GRIN2A: variants seen among roughly 807,000 people sequenced by gnomAD.
GRIN2A encodes glutamate receptor ionotropic, NMDA 2A.
In GRIN2A, 22 loss-of-function variants were observed where a neutral mutation model predicts 113.4. The ratio of observed to expected loss-of-function variants is 0.19; its 90% confidence interval spans 0.14 to 0.28. The LOEUF is 0.28. Among genes scored for constraint, GRIN2A ranks in the 10% least tolerant of loss-of-function variants. The pLI is 1.00. For missense variants in GRIN2A, 1,502 were observed against 1,887.0 expected (o/e 0.80, Z 3.78); for synonymous variants, 827 against 738.4 (o/e 1.12, Z -1.94).
intron 4 of GRIN2A, among the ~76,000 whole-genome samples, chr16:9,866,004 T>C (rs1249377007): frequency 1.3e-5 from 2 of 152,194 alleles, no homozygotes; most frequent in Admixed American, 6.5e-5. Context: ...CAGAGTTGAG[T>C]GCTTGCCATA....
chr16:10,073,207 T>G (rs2047795441), intron 2 of GRIN2A, among the ~76,000 whole-genome samples: 1 of 152,122 alleles, frequency 6.6e-6, no homozygotes, highest in South Asian at 2.1e-4. Context: ...TCACTTGCCT[T>G]GGCCTACCAA....
chr16:9,780,723 A>G (rs896466233), intron 11 of GRIN2A, among the ~76,000 whole-genome samples: 2 of 152,246 alleles, frequency 1.3e-5, no homozygotes, highest in Non-Finnish European at 2.9e-5. Flanking sequence ...TAACAAATAG[A>G]AAAAAACAGT....
intron 4 of GRIN2A, among the ~76,000 whole-genome samples, chr16:9,885,627 C>T (rs1196573092): frequency 1.3e-5 from 2 of 152,204 alleles, no homozygotes; most frequent in South Asian, 2.1e-4. Flanking sequence ...TGGCTGACCT[C>T]GGAGATGAAA....
chr16:10,129,777 T>G (rs899515959), intron 2 of GRIN2A, among the ~76,000 whole-genome samples: 1 of 152,360 alleles, frequency 6.6e-6, no homozygotes, highest in East Asian at 1.9e-4. Flanking sequence ...AAGATGCATG[T>G]GATTCAAGAT....
intron 11 of GRIN2A, among the ~76,000 whole-genome samples, chr16:9,790,918 C>G (rs1364463843): frequency 6.6e-6 from 1 of 152,146 alleles, no homozygotes; most frequent in African/African-American, 2.4e-5. Flanking sequence ...CGTATGCCCT[C>G]GAGGAATCTA....
intron 11 of GRIN2A, among the ~76,000 whole-genome samples, chr16:9,780,468 A>C (rs2141180839): frequency 6.6e-6 from 1 of 152,376 alleles, no homozygotes; most frequent in East Asian, 1.9e-4. Flanking sequence ...CAATGAATAC[A>C]TGTTGTATGA....
At chr16:10,016,803 C>A (rs2046619682) in intron 2 of GRIN2A, among the ~76,000 whole-genome samples, 1 of 152,208 alleles carries the variant, frequency 6.6e-6, no homozygotes, top group Admixed American at 6.5e-5. Flanking sequence ...CATCCCACTA[C>A]CCCTCATACT....
At chr16:10,073,349 G>T (rs1183333608) in intron 2 of GRIN2A, among the ~76,000 whole-genome samples, 1 of 152,160 alleles carries the variant, frequency 6.6e-6, no homozygotes, top group African/African-American at 2.4e-5. Flanking sequence ...ATCATTTATA[G>T]ACTGCAGTCT....
At chr16:10,130,338 C>T (rs185994008) in intron 2 of GRIN2A, among the ~76,000 whole-genome samples, 3 of 152,310 alleles carry the variant, frequency 2.0e-5, no homozygotes, top group Admixed American at 2.0e-4. Flanking sequence ...GATCTATTTT[C>T]AGCATCCACT....
chr16:10,105,902 A>C (rs2048491768), intron 2 of GRIN2A, among the ~76,000 whole-genome samples: 1 of 152,252 alleles, frequency 6.6e-6, no homozygotes, highest in African/African-American at 2.4e-5. Context: ...GCAAGACTCT[A>C]TCTCCAAAAA....
chr16:9,972,941 G>A lies in GRIN2A; in HGVS notation c.415-34390C>T, dbSNP rs530433674. On this transcript the variant is annotated intron_variant, in intron 2 of 12. Coordinates refer to ENST00000330684, the MANE Select transcript of GRIN2A (RefSeq NM_001134407.3). ...GATCAGAGTTTTTAAGGATAATTTG[G>A]TGGGTAGAGGGCCAGTGATTCAGGA... 1.8e-4 allele frequency among the ~76,000 whole-genome samples: 27 copies of A among 152,318 alleles called. No individual in the cohort carries two copies. In the East Asian group the frequency reaches 5.2e-3, roughly 29 times the overall value.
chr16:9,840,048 G>T (rs1044999145), intron 7 of GRIN2A, among the ~76,000 whole-genome samples: 1 of 152,152 alleles, frequency 6.6e-6, no homozygotes, highest in Admixed American at 6.5e-5. Context: ...AACCCAGGAG[G>T]CAGAGGCCGC....
chr16:9,815,021 CAA>C lies in GRIN2A; in HGVS notation c.2168+7241_2168+7242del, dbSNP rs60827287. Among the ~76,000 whole-genome samples the C allele has an allele frequency of 7.4e-3, 567 of 76,304 alleles. 2 individuals are homozygous for C. Among genetic ancestry groups the C allele is most frequent in the Middle Eastern group, 0.018 (2 of 112 alleles). The allele number at this position is 76,304 out of a possible 152,430, so 50.1% of individuals were successfully genotyped here. Reference sequence around the variant, plus strand: ...GGGCAACAAGAGCGAAACTCCGTTTCAAAAAAAAAAAAAAAAAAAGGTACATT... The same window carrying C: ...GGGCAACAAGAGCGAAACTCCGTTTCAAAAAAAAAAAAAAAAAGGTACATT... On this transcript the variant is annotated intron_variant, in intron 10 of 12. Coordinates refer to ENST00000330684, the MANE Select transcript of GRIN2A (RefSeq NM_001134407.3).
At chr16:9,993,290 C>T (rs1189466313) in intron 2 of GRIN2A, among the ~76,000 whole-genome samples, 1 of 151,906 alleles carries the variant, frequency 6.6e-6, no homozygotes, top group East Asian at 1.9e-4. Flanking sequence ...GGGTTCATGC[C>T]TGAAATCACA....
At chr16:10,079,834 G>A (rs7185066) in intron 2 of GRIN2A, among the ~76,000 whole-genome samples, 4 of 152,194 alleles carry the variant, frequency 2.6e-5, no homozygotes, top group Non-Finnish European at 5.9e-5. Context: ...GGGAAGAAGT[G>A]ACAGAAAGAA....
At chr16:9,998,504 T>C (rs1396288330) in intron 2 of GRIN2A, among the ~76,000 whole-genome samples, 1 of 152,220 alleles carries the variant, frequency 6.6e-6, no homozygotes, top group East Asian at 1.9e-4. Flanking sequence ...ATGTACTTAA[T>C]GTCACTGAAT....
At chr16:9,785,609 T>C (rs1032247846) in intron 11 of GRIN2A, among the ~76,000 whole-genome samples, 5 of 151,826 alleles carry the variant, frequency 3.3e-5, no homozygotes, top group Non-Finnish European at 4.4e-5. Context: ...ATATATATAA[T>C]GTAAAGGGAG....
rs117104372 is a variant in GRIN2A at position 9,992,881 on chromosome 16, G to C, written c.415-54330C>G. Reference sequence around the variant, plus strand: ...CTCAGTCTTGCTTCCAACACTACCCGTTCCTGCCATAATAATGATAAACTC... The same window carrying C: ...CTCAGTCTTGCTTCCAACACTACCCCTTCCTGCCATAATAATGATAAACTC... On this transcript the variant is annotated intron_variant, in intron 2 of 12. Transcript: ENST00000330684. Among the ~76,000 whole-genome samples, 4 of 152,026 alleles carry C rather than the reference G, an allele frequency of 2.6e-5. No homozygotes were observed. In the South Asian group the frequency reaches 8.3e-4, roughly 32 times the overall value.
At chr16:9,808,663 A>T (rs12932412) in intron 10 of GRIN2A, among the ~76,000 whole-genome samples, 20 of 152,148 alleles carry the variant, frequency 1.3e-4, no homozygotes, top group Admixed American at 7.8e-4. Context: ...TATTAGAGAC[A>T]GAATATTAAA....
Sources: allele counts gnomAD v4.1 joint callset (sites outside exome capture counted in the v4.1 genomes callset), GRCh38; gene constraint gnomAD v4.1.1; transcripts MANE v1.5; gene names NCBI Gene and HGNC (gene_info 2026-07-23, HGNC 2026-07-21).